Variants in GCLM observed in about 807,000 individuals in gnomAD.
GCLM encodes glutamate--cysteine ligase regulatory subunit.
In GCLM, 15 loss-of-function variants were observed where a neutral mutation model predicts 36.0. The ratio of observed to expected loss-of-function variants is 0.42; its 90% CI spans 0.28 to 0.64. GCLM has a LOEUF of 0.64. Ranked by LOEUF, GCLM falls within the 30% of genes least tolerant of loss-of-function variation. The pLI is 0.25. For missense variants in GCLM, 242 were observed against 325.5 expected (o/e 0.74, Z 1.97); for synonymous variants, 129 against 122.8 (o/e 1.05, Z -0.34).
chr1:93,890,697 C>T (rs896129280), intron 6 of GCLM, among the ~76,000 whole-genome samples: 5 of 152,192 alleles, frequency 3.3e-5, no homozygotes, highest in African/African-American at 1.2e-4. Flanking sequence ...CACAATGATG[C>T]AGATGATGAA....
intron 2 of GCLM, among the ~76,000 whole-genome samples, chr1:93,902,145 G>A (rs942377968): frequency 1.3e-5 from 2 of 151,842 alleles, no homozygotes; most frequent in Admixed American, 6.6e-5. Flanking sequence ...ACCTGTAAGG[G>A]GATTTAGTTT....
chr1:93,889,433 TC>T (rs1445433039), intron 6 of GCLM, among the ~76,000 whole-genome samples: 2 of 152,030 alleles, frequency 1.3e-5, no homozygotes, highest in Non-Finnish European at 1.5e-5. Flanking sequence ...TTTAAAGATC[TC>T]CAGGTGATTC....
In GCLM at chr1:93,889,077, C is replaced by G; in HGVS notation, c.738G>C (p.Trp246Cys). The G allele has an allele frequency of 6.2e-7, 1 of 1,602,946 alleles. No individual in the cohort carries two copies. The highest frequency in any genetic ancestry group is 8.5e-7 in the Non-Finnish European group (1 of 1,174,678). The change falls in exon 7 of 7, where the codon TGG becomes TGC. Residue 246 changes from tryptophan (W) to cysteine (C), a missense_variant. By Grantham distance (215) the Trp-to-Cys change is radical (BLOSUM62 -2). Coordinates refer to ENST00000370238, the MANE Select transcript of GCLM (RefSeq NM_002061.4). ...TCACAATGACCGAATACCGCAGTAG[C>G]CACAGCGGCACCCACTCGTGCGCTT... is the stretch of plus-strand genomic sequence containing the variant. ...DIQAHEWVPL[W>C]LLRYSVIVKS...
intron 2 of GCLM, among the ~76,000 whole-genome samples, chr1:93,903,969 C>G (rs1203047448): frequency 6.6e-6 from 1 of 152,146 alleles, no homozygotes; most frequent in Non-Finnish European, 1.5e-5. Flanking sequence ...TTGCAGTATG[C>G]CCAGGGGAAC....
intron 3 of GCLM, among the ~76,000 whole-genome samples, chr1:93,901,223 A>G (rs747819899): frequency 2.0e-5 from 3 of 152,170 alleles, no homozygotes; most frequent in Non-Finnish European, 4.4e-5. Flanking sequence ...GCTTACCAGT[A>G]TCTTACCAGG....
intron 5 of GCLM, 98 bp downstream of exon 5, chr1:93,896,520 C>T (rs1423855346): frequency 1.1e-6 from 1 of 938,618 alleles, no homozygotes; most frequent in African/African-American, 1.6e-5. Context: ...AGTCACCCCG[C>T]AGGGGTGGCC....
At chr1:93,904,947 G>A (rs1181418249) in intron 1 of GCLM, among the ~76,000 whole-genome samples, 2 of 152,094 alleles carry the variant, frequency 1.3e-5, no homozygotes, top group East Asian at 1.9e-4. Flanking sequence ...GCTGAGGGGG[G>A]CAAATCACTT....
At chr1:93,896,373 A>C (rs1317698568) in intron 5 of GCLM, among the ~76,000 whole-genome samples, 1 of 152,132 alleles carries the variant, frequency 6.6e-6, no homozygotes, top group Admixed American at 6.6e-5. Flanking sequence ...TATTTTTGTC[A>C]CTCATTTTAA....
At chr1:93,892,667 C>A (rs978322913) in intron 6 of GCLM, among the ~76,000 whole-genome samples, 1 of 152,124 alleles carries the variant, frequency 6.6e-6, no homozygotes, top group Non-Finnish European at 1.5e-5. Context: ...AGGATTAAAT[C>A]TCTCTCCTCA....
At chr1:93,894,274 A>G (rs539092447) in intron 6 of GCLM, among the ~76,000 whole-genome samples, 2 of 151,976 alleles carry the variant, frequency 1.3e-5, no homozygotes, top group African/African-American at 4.8e-5. Flanking sequence ...TAAAAAAATC[A>G]AGTGGCCTTT....
intron 6 of GCLM, among the ~76,000 whole-genome samples, chr1:93,891,055 T>C (rs986976610): frequency 4.6e-5 from 7 of 151,916 alleles, no homozygotes; most frequent in Non-Finnish European, 1.0e-4. Context: ...TTAATTATTA[T>C]TATTATTATT....
intron 1 of GCLM, among the ~76,000 whole-genome samples, chr1:93,906,747 C>T (rs1033600031): frequency 3.9e-5 from 6 of 151,928 alleles, no homozygotes; most frequent in East Asian, 1.9e-4. Context: ...GTTTGTTCTC[C>T]GCTCTCTTCA....
intron 2 of GCLM, among the ~76,000 whole-genome samples, chr1:93,902,599 C>G (rs959989328): frequency 6.6e-6 from 1 of 152,042 alleles, no homozygotes; most frequent in Non-Finnish European, 1.5e-5. Flanking sequence ...CACACAGCCT[C>G]CCCCATTATC....
At chr1:93,906,464 T>C (rs718875) in intron 1 of GCLM, among the ~76,000 whole-genome samples, 22,993 of 152,202 alleles carry the variant, frequency 0.15, 1,770 homozygotes, top group Admixed American at 0.2. Context: ...ATTTGCACAC[T>C]TGAGGCTTTC....
intron 1 of GCLM, among the ~76,000 whole-genome samples, chr1:93,906,616 A>C (rs936893597): frequency 4.6e-5 from 7 of 152,226 alleles, no homozygotes; most frequent in Non-Finnish European, 1.0e-4. Flanking sequence ...ATTACGTAGG[A>C]AATTCATTGA....
In GCLM at chr1:93,901,572, G is replaced by A. The variant is rs1399569626; in HGVS notation, c.277+13C>T. On this transcript the variant is annotated intron_variant, in intron 3 of 6. Transcript: ENST00000370238. ...GCTATGTAACAAAATAAACAGAAAA[G>A]ACTGGACTTTACCAGAAACTTTCAT... is the stretch of plus-strand genomic sequence containing the variant. The A allele has an allele frequency of 2.9e-6, 4 of 1,372,312 alleles. No individual in the cohort carries two copies. Among genetic ancestry groups the A allele is most frequent in the Admixed American group, 1.7e-5 (1 of 57,302 alleles). 85.0% of individuals were successfully genotyped at this position (1,372,312 alleles called of 1,614,324 possible).
chr1:93,903,524 G>A (rs1657037099), intron 2 of GCLM, among the ~76,000 whole-genome samples: 2 of 148,036 alleles, frequency 1.4e-5, no homozygotes, highest in African/African-American at 5.0e-5. Context: ...CGCCATGTTG[G>A]CCAGACTGGT....
rs1484310651 is a variant in GCLM at position 93,888,959 on chromosome 1, A to C, written c.*31T>G. The C allele has an allele frequency of 6.8e-7, 1 of 1,460,266 alleles. No homozygotes were observed. Among genetic ancestry groups the C allele is most frequent in the Non-Finnish European group, 9.2e-7 (1 of 1,086,526 alleles). 90.5% of individuals were successfully genotyped at this position (1,460,266 alleles called of 1,614,324 possible). ...TCTCAATTTTCTCTCATATTGAAGG[A>C]AATTACAGGTAAGTTATGCTCCTAA... On this transcript the variant is annotated 3_prime_UTR_variant, in exon 7 of 7. Transcript: ENST00000370238.
At chr1:93,899,465 A>C (rs903639859) in intron 3 of GCLM, among the ~76,000 whole-genome samples, 7 of 152,338 alleles carry the variant, frequency 4.6e-5, no homozygotes, top group Non-Finnish European at 2.9e-5. Flanking sequence ...TTGAACATTT[A>C]GGTTAGTAAA....
Sources: gnomAD v4.1 joint callset for allele counts (sites outside exome capture counted in the v4.1 genomes callset) on GRCh38, gnomAD v4.1.1 for gene constraint, MANE v1.5 for transcripts, NCBI Gene and HGNC (gene_info 2026-07-23, HGNC 2026-07-21) for gene names.